ZNF564: variants seen among roughly 807,000 people sequenced by gnomAD.
ZNF564 encodes the protein zinc finger protein 564.
Under a neutral mutation model 10.5 loss-of-function variants are expected in ZNF564, and 5 were observed. That is an observed-to-expected ratio of 0.48 (90% confidence interval 0.25 to 1.00). The LOEUF (loss-of-function observed/expected upper bound fraction) is 1.00, where lower values mean the gene tolerates loss of function less well. Among genes scored for constraint, ZNF564 ranks in the 50% least tolerant of loss-of-function variants. ZNF564 has a pLI of 0.16. For synonymous variants in ZNF564, 242 were observed against 218.1 expected (o/e 1.11, Z -0.97); for missense variants, 603 against 669.7 (o/e 0.90, Z 1.10).
At chr19:12,532,307 G>A (rs941341844) in intron 1 of ZNF564, among the ~76,000 whole-genome samples, 12 of 151,474 alleles carry the variant, frequency 7.9e-5, no homozygotes, top group East Asian at 3.9e-4. Context: ...AGGCCAAGGC[G>A]GGCGGATCAC....
chr19:12,540,149 T>C (rs1240984498), intron 1 of ZNF564, among the ~76,000 whole-genome samples: 2 of 152,182 alleles, frequency 1.3e-5, no homozygotes, highest in East Asian at 3.8e-4. Context: ...AATTATCTTA[T>C]AATCTATAAC....
intron 1 of ZNF564, 57 bp downstream of exon 1, chr19:12,551,273 G>A (rs555102028): frequency 1.9e-6 from 3 of 1,578,070 alleles, no homozygotes; most frequent in Non-Finnish European, 1.7e-6. Context: ...AGCCGGTTCC[G>A]GCCGGTTCCC....
At chr19:12,532,185 T>C (rs2021815533) in intron 1 of ZNF564, among the ~76,000 whole-genome samples, 1 of 151,882 alleles carries the variant, frequency 6.6e-6, no homozygotes, top group Non-Finnish European at 1.5e-5. Flanking sequence ...GAATAGACCC[T>C]GCACTCCAGC....
At chr19:12,535,499 G>A (rs1379079939) in intron 1 of ZNF564, among the ~76,000 whole-genome samples, 2 of 152,164 alleles carry the variant, frequency 1.3e-5, no homozygotes, top group African/African-American at 4.8e-5. Flanking sequence ...AAAGTCTTTG[G>A]TTTTAAGGGA....
At chr19:12,544,055 A>G (rs1259419980) in intron 1 of ZNF564, among the ~76,000 whole-genome samples, 1 of 152,206 alleles carries the variant, frequency 6.6e-6, no homozygotes, top group Non-Finnish European at 1.5e-5. Flanking sequence ...CCCAGCCTCC[A>G]GAACTGTGAA....
intron 1 of ZNF564, among the ~76,000 whole-genome samples, chr19:12,534,576 G>C (rs1008950400): frequency 6.6e-5 from 10 of 152,296 alleles, no homozygotes; most frequent in Middle Eastern, 3.4e-3. Flanking sequence ...AACTTTGGGA[G>C]GCCAAGGAGG....
intron 1 of ZNF564, among the ~76,000 whole-genome samples, chr19:12,539,682 G>A (rs2042948): frequency 0.58 from 82,809 of 143,142 alleles, 24,077 homozygotes; most frequent in East Asian, 0.68. Context: ...AGACAAAAAA[G>A]AAAAAGAAAA....
intron 1 of ZNF564, chr19:12,550,519 G>A (rs2022233478): frequency 3.5e-6 from 1 of 287,320 alleles, no homozygotes; most frequent in Non-Finnish European, 7.4e-6. Context: ...AGCCGGTCGT[G>A]GCGGCGCATG....
intron 1 of ZNF564, among the ~76,000 whole-genome samples, chr19:12,531,414 A>G (rs1228701301): frequency 6.6e-6 from 1 of 152,014 alleles, no homozygotes; most frequent in Non-Finnish European, 1.5e-5. Flanking sequence ...TAAAAATACA[A>G]AAATTAGCCA....
At chr19:12,542,405 A>G (rs1272970158) in intron 1 of ZNF564, among the ~76,000 whole-genome samples, 1 of 151,878 alleles carries the variant, frequency 6.6e-6, no homozygotes, top group East Asian at 1.9e-4. Flanking sequence ...AGGTAGGAGG[A>G]TCACTTGAAG....
At chr19:12,542,952 A>C (rs2022085267) in intron 1 of ZNF564, among the ~76,000 whole-genome samples, 1 of 151,946 alleles carries the variant, frequency 6.6e-6, no homozygotes, top group African/African-American at 2.4e-5. Context: ...CAGTGAGCCA[A>C]GATCATGCCG....
At chr19:12,542,833 G>C (rs1389099362) in intron 1 of ZNF564, among the ~76,000 whole-genome samples, 3 of 151,362 alleles carry the variant, frequency 2.0e-5, no homozygotes, top group African/African-American at 7.3e-5. Context: ...GTGAAACTCT[G>C]TCACTACTAA....
At chr19:12,530,960 TCTTA>T (rs2021788288) in intron 1 of ZNF564, among the ~76,000 whole-genome samples, 2 of 151,980 alleles carry the variant, frequency 1.3e-5, no homozygotes, top group South Asian at 4.1e-4. Flanking sequence ...AGAGATGGGG[TCTTA>T]CTTTGTTGCT....
chr19:12,551,401 C>A lies in ZNF564; in HGVS notation c.-69G>T. ...TCCGGCCTGTGCAGGTCCCAGCGCG[C>A]CAGACGCTGCGGTGGAGCCACCGGG... is the stretch of plus-strand genomic sequence containing the variant. On this transcript the variant is annotated 5_prime_UTR_variant, in exon 1 of 4. Transcript: ENST00000339282. 6.7e-7 allele frequency: 1 copy of A among 1,499,366 alleles called. No individual in the cohort carries two copies. The highest frequency in any genetic ancestry group is 8.9e-7 in the Non-Finnish European group (1 of 1,119,712). 92.9% of individuals were successfully genotyped at this position (1,499,366 alleles called of 1,614,324 possible). A position where few individuals can be genotyped will look rare whatever the true frequency, so the allele number is the denominator to read the frequency against.
In ZNF564 at chr19:12,525,441, T is replaced by C. The variant is rs1044089422; in HGVS notation, c.*1005A>G. 1.3e-5 allele frequency: 2 copies of C among 152,246 alleles called. No individual in the cohort carries two copies. Among genetic ancestry groups the C allele is most frequent in the African/African-American group, 2.4e-5 (1 of 41,460 alleles). 9.4% of individuals were successfully genotyped at this position (152,246 alleles called of 1,614,324 possible). A position where few individuals can be genotyped will look rare whatever the true frequency, so the allele number is the denominator to read the frequency against. ...TTCAGCAGGCTTATACCACTGTACA[T>C]TCCCAGTGATAGTGCACAATGTTCT... is the stretch of plus-strand genomic sequence containing the variant. On this transcript the variant is annotated 3_prime_UTR_variant, in exon 4 of 4. Transcript: ENST00000339282.
Position 12,528,160 on chromosome 19 carries a change from T to A in ZNF564, c.191+144A>T, listed in dbSNP as rs906217526. 4 of 881,994 alleles carry A rather than the reference T, an allele frequency of 4.5e-6. No homozygotes were observed. In the African/African-American group the frequency reaches 5.1e-5, roughly 11 times the overall value. 54.6% of individuals were successfully genotyped at this position (881,994 alleles called of 1,614,324 possible). A position where few individuals can be genotyped will look rare whatever the true frequency, so the allele number is the denominator to read the frequency against. On this transcript the variant is annotated intron_variant, in intron 3 of 3. Transcript: ENST00000339282. ...GTGAATGATTTTGCAACACTGAACATCTATGCCACTTTTTCTTTTTCTGGT... is the reference window on the plus strand; with the variant it reads ...GTGAATGATTTTGCAACACTGAACAACTATGCCACTTTTTCTTTTTCTGGT...
At position 12,528,701 on chromosome 19, in the gene ZNF564, A is replaced by C. The variant is rs2021740227; in HGVS notation, c.4-5T>G. 2 of 1,606,402 alleles carry C rather than the reference A, an allele frequency of 1.2e-6. No homozygotes were observed. Among genetic ancestry groups the C allele is most frequent in the African/African-American group, 2.7e-5 (2 of 74,324 alleles). On this transcript the variant is annotated splice_region_variant and splice_polypyrimidine_tract_variant and intron_variant, in intron 1 of 3. Transcript: ENST00000339282. ...ATCCTCAGAGGCCACTGAGTCCTAA[A>C]ACATCCCAAATATGCAATGCAGGAG...
intron 1 of ZNF564, chr19:12,541,587 G>T (rs1328935433): frequency 6.6e-6 from 1 of 151,834 alleles, no homozygotes; most frequent in Non-Finnish European, 1.5e-5. Context: ...AGCACTACAT[G>T]GAGAAATGGC....
At chr19:12,549,970 G>A (rs1555698060) in intron 1 of ZNF564, among the ~76,000 whole-genome samples, 1 of 152,176 alleles carries the variant, frequency 6.6e-6, no homozygotes, top group Non-Finnish European at 1.5e-5. Flanking sequence ...CGGGGCTTAG[G>A]AAAGATAAAA....
Sources: gnomAD v4.1 joint callset for allele counts (sites outside exome capture counted in the v4.1 genomes callset) on GRCh38, gnomAD v4.1.1 for gene constraint, MANE v1.5 for transcripts, NCBI Gene and HGNC (gene_info 2026-07-23, HGNC 2026-07-21) for gene names.